Variants in CCSER1 observed in about 807,000 individuals in gnomAD.
CCSER1 encodes the protein serine-rich coiled-coil domain-containing protein 1.
CCSER1 carries 41 observed loss-of-function variants against 82.0 expected under a neutral mutation model. That is an observed-to-expected ratio of 0.50 (90% CI 0.39 to 0.65). CCSER1 has a LOEUF of 0.65. Among genes scored for constraint, CCSER1 ranks in the 30% least tolerant of loss-of-function variants. CCSER1 has a pLI of 0.00. For synonymous variants in CCSER1, 414 were observed against 383.9 expected (o/e 1.08, Z -0.92); for missense variants, 1,119 against 1,064.2 (o/e 1.05, Z -0.72).
intron 10 of CCSER1, among the ~76,000 whole-genome samples, chr4:91,456,420 G>A (rs1756176993): frequency 6.6e-6 from 1 of 152,064 alleles, no homozygotes; most frequent in Admixed American, 6.6e-5. Context: ...AGATGGAACA[G>A]AAAAGGGACA....
chr4:90,816,716 A>G (rs2149769461), intron 8 of CCSER1, among the ~76,000 whole-genome samples: 1 of 152,250 alleles, frequency 6.6e-6, no homozygotes, highest in Non-Finnish European at 1.5e-5. Context: ...TTCTCAACGT[A>G]TTTTTAATGA....
At chr4:90,620,122 G>C (rs1046638458) in intron 5 of CCSER1, among the ~76,000 whole-genome samples, 2 of 152,112 alleles carry the variant, frequency 1.3e-5, no homozygotes, top group African/African-American at 4.8e-5. Flanking sequence ...TAAAATTTTG[G>C]ACAAGGAAAC....
chr4:90,723,005 C>T (rs1742942575), intron 6 of CCSER1, among the ~76,000 whole-genome samples: 1 of 151,872 alleles, frequency 6.6e-6, no homozygotes, highest in Non-Finnish European at 1.5e-5. Flanking sequence ...TGGTTTTAAT[C>T]TTCACTGCAA....
chr4:91,385,906 G>A, intron 10 of CCSER1, among the ~76,000 whole-genome samples: 1 of 151,866 alleles, frequency 6.6e-6, no homozygotes, highest in Non-Finnish European at 1.5e-5. Context: ...ATACATATGT[G>A]TATGTTTGTT....
chr4:91,120,355 T>C (rs749917451), intron 10 of CCSER1, among the ~76,000 whole-genome samples: 5 of 151,978 alleles, frequency 3.3e-5, no homozygotes, highest in Admixed American at 6.6e-5. Flanking sequence ...TGGTCTTATA[T>C]CAGCATCATG....
intron 10 of CCSER1, among the ~76,000 whole-genome samples, chr4:91,180,916 G>A (rs752934781): frequency 2.7e-5 from 4 of 146,400 alleles, no homozygotes; most frequent in African/African-American, 5.0e-5. Context: ...AACAAGAGAT[G>A]GGCCAAATTA....
Position 91,417,099 on chromosome 4 carries a change from G to GA in CCSER1, c.2218-181466dup, listed in dbSNP as rs369318354. 2.4e-4 allele frequency among the ~76,000 whole-genome samples: 37 copies of GA among 152,064 alleles called. 1 individual carries two copies. The highest frequency in any genetic ancestry group is 8.2e-4 in the African/African-American group (34 of 41,500). On this transcript the variant is annotated intron_variant, in intron 10 of 10. Transcript: ENST00000509176. ...ACATTCATGCAGCAAACAAACATAT[G>GA]AAAAAAAGCCTCAACATCATTGATC...
chr4:91,107,502 G>A (rs184144652), intron 10 of CCSER1, among the ~76,000 whole-genome samples: 7 of 152,152 alleles, frequency 4.6e-5, no homozygotes, highest in Non-Finnish European at 7.4e-5. Context: ...TGATCCACCC[G>A]CCTTGGCCTC....
intron 5 of CCSER1, among the ~76,000 whole-genome samples, chr4:90,521,543 C>G (rs965405778): frequency 7.9e-5 from 12 of 151,976 alleles, no homozygotes; most frequent in African/African-American, 2.7e-4. Context: ...CACTGGAGAG[C>G]GCAATGTATG....
At chr4:90,767,740 T>A (rs1440679920) in intron 7 of CCSER1, among the ~76,000 whole-genome samples, 1 of 152,114 alleles carries the variant, frequency 6.6e-6, no homozygotes, top group African/African-American at 2.4e-5. Context: ...AGTGGTGCTA[T>A]CTCAGTTTGC....
intron 10 of CCSER1, among the ~76,000 whole-genome samples, chr4:91,596,058 A>G (rs919167489): frequency 6.6e-6 from 1 of 151,630 alleles, no homozygotes; most frequent in Non-Finnish European, 1.5e-5. Context: ...TTAAAAATTG[A>G]GAGTAAGAAG....
At chr4:90,349,627 C>T (rs1320755980) in intron 3 of CCSER1, among the ~76,000 whole-genome samples, 4 of 151,998 alleles carry the variant, frequency 2.6e-5, no homozygotes, top group Non-Finnish European at 5.9e-5. Context: ...TCACGTATTT[C>T]ATTTTCTTCT....
intron 1 of CCSER1, among the ~76,000 whole-genome samples, chr4:90,298,017 T>G (rs1049696248): frequency 6.6e-6 from 1 of 152,134 alleles, no homozygotes; most frequent in African/African-American, 2.4e-5. Flanking sequence ...ATAAAATGAG[T>G]TAGGGAGGAT....
chr4:90,513,238 T>C (rs138672625), intron 5 of CCSER1, among the ~76,000 whole-genome samples: 176 of 152,286 alleles, frequency 1.2e-3, no homozygotes, highest in Middle Eastern at 6.8e-3. Flanking sequence ...ACAGGATGGT[T>C]AGGCCAAAGA....
At chr4:90,599,144 A>T (rs1783737100) in intron 5 of CCSER1, among the ~76,000 whole-genome samples, 1 of 152,102 alleles carries the variant, frequency 6.6e-6, no homozygotes, top group African/African-American at 2.4e-5. Context: ...ATCCTCCAGT[A>T]GCAAAAATTG....
At chr4:91,181,197 T>C (rs775673211) in intron 10 of CCSER1, among the ~76,000 whole-genome samples, 9 of 152,186 alleles carry the variant, frequency 5.9e-5, no homozygotes, top group Non-Finnish European at 1.3e-4. Context: ...TCCCACCATG[T>C]CCCCCTTCTT....
chr4:91,274,873 A>T (rs1742295164), intron 10 of CCSER1, among the ~76,000 whole-genome samples: 1 of 152,112 alleles, frequency 6.6e-6, no homozygotes, highest in Admixed American at 6.5e-5. Context: ...TGGGAGGCTG[A>T]GGCGGGCGGA....
chr4:91,017,509 A>G (rs10021536), intron 9 of CCSER1, among the ~76,000 whole-genome samples: 19,577 of 152,114 alleles, frequency 0.13, 1,510 homozygotes, highest in South Asian at 0.21. Flanking sequence ...TTTGTCACCT[A>G]GGTGTTAAGT....
In CCSER1 at chr4:91,247,341, A is replaced by G. The variant is rs1408013532; in HGVS notation, c.2217+161347A>G. Among the ~76,000 whole-genome samples, 5 of 151,648 alleles carry G rather than the reference A, an allele frequency of 3.3e-5. No individual in the cohort carries two copies. The East Asian group carries it at 9.7e-4, about 29-fold the overall frequency. On this transcript the variant is annotated intron_variant, in intron 10 of 10. Coordinates refer to ENST00000509176, the MANE Select transcript of CCSER1 (RefSeq NM_001145065.2). ...AGCCTGGAATTAAAGAATTAAGTAG[A>G]TGGTTGGTTAATGATGGAAGCCAGG...
Sources: gnomAD v4.1 joint callset for allele counts (sites outside exome capture counted in the v4.1 genomes callset) on GRCh38, gnomAD v4.1.1 for gene constraint, MANE v1.5 for transcripts, NCBI Gene and HGNC (gene_info 2026-07-23, HGNC 2026-07-21) for gene names.